Variants in FAM174B observed in about 807,000 individuals in gnomAD.
The protein encoded by FAM174B is membrane protein FAM174B.
Under a neutral mutation model 10.9 loss-of-function variants are expected in FAM174B, and 12 were observed. The ratio of observed to expected loss-of-function variants is 1.10; its 90% CI spans 0.71 to 1.79. FAM174B has a LOEUF of 1.79. Ranked by LOEUF, FAM174B falls within the 40% of genes most tolerant of loss-of-function variation. The pLI, the probability that FAM174B is intolerant of heterozygous loss-of-function variation, is 0.00. For synonymous variants in FAM174B, 132 were observed against 115.8 expected (o/e 1.14, Z -0.90); for missense variants, 266 against 233.3 (o/e 1.14, Z -0.91).
intron 1 of FAM174B, among the ~76,000 whole-genome samples, chr15:92,653,716 G>A (rs1174484569): frequency 1.3e-5 from 2 of 152,270 alleles, no homozygotes; most frequent in Non-Finnish European, 2.9e-5. Context: ...ACAGAGGAAG[G>A]AGGATGGGAG....
At chr15:92,643,310 T>C (rs995991681) in intron 1 of FAM174B, among the ~76,000 whole-genome samples, 10 of 150,038 alleles carry the variant, frequency 6.7e-5, no homozygotes, top group Non-Finnish European at 1.3e-4. Flanking sequence ...ATAAGTTATA[T>C]CTCACCAAAG....
intron 1 of FAM174B, among the ~76,000 whole-genome samples, chr15:92,653,853 G>C (rs961008603): frequency 1.3e-5 from 2 of 152,258 alleles, no homozygotes; most frequent in Non-Finnish European, 2.9e-5. Flanking sequence ...TGATGTCTGC[G>C]TTGCAGACGG....
intron 1 of FAM174B, among the ~76,000 whole-genome samples, chr15:92,640,551 C>CAAAAAAA (rs60865026): frequency 1.0e-4 from 7 of 67,722 alleles, no homozygotes; most frequent in African/African-American, 4.0e-4. Flanking sequence ...GACTCCATCT[C>CAAAAAAA]AAAAAAAAAA....
chr15:92,633,168 C>T (rs1253235518), intron 1 of FAM174B, among the ~76,000 whole-genome samples: 2 of 152,214 alleles, frequency 1.3e-5, no homozygotes, highest in Admixed American at 6.5e-5. Context: ...ACACATTCTT[C>T]TTGCTGACCA....
At chr15:92,623,642 T>C (rs1378131263) in intron 2 of FAM174B, among the ~76,000 whole-genome samples, 1 of 152,176 alleles carries the variant, frequency 6.6e-6, no homozygotes, top group African/African-American at 2.4e-5. Flanking sequence ...CACCTGTCAG[T>C]AGCGTCTGGC....
At chr15:92,650,767 T>C (rs897390203) in intron 1 of FAM174B, among the ~76,000 whole-genome samples, 24 of 152,148 alleles carry the variant, frequency 1.6e-4, no homozygotes, top group Admixed American at 3.3e-4. Context: ...TTAGGAGCAA[T>C]CACAGCTTTC....
rs1272729721 is a variant in FAM174B at position 92,618,419 on chromosome 15, C to T, written c.*1037G>A. The stretch of plus-strand genomic sequence containing the variant: ...CAGAGGTGAGCCACTCTCACCTGAA[C>T]CTCTGCCTTCCGGCAGGGACCTCCT... On this transcript the variant is annotated 3_prime_UTR_variant, in exon 3 of 3. Coordinates refer to ENST00000327355, the MANE Select transcript of FAM174B (RefSeq NM_207446.3). 1.3e-5 allele frequency: 2 copies of T among 152,452 alleles called. No individual in the cohort carries two copies. The highest frequency in any genetic ancestry group is 1.3e-4 in the Admixed American group (2 of 15,290). The allele number at this position is 152,452 out of a possible 1,614,324, so 9.4% of individuals were successfully genotyped here.
At chr15:92,650,499 C>T (rs1262808861) in intron 1 of FAM174B, among the ~76,000 whole-genome samples, 3 of 152,160 alleles carry the variant, frequency 2.0e-5, no homozygotes, top group African/African-American at 4.8e-5. Flanking sequence ...CCGTGGAGTT[C>T]GGAGACTCTC....
chr15:92,638,506 A>G (rs2050870207), intron 1 of FAM174B, among the ~76,000 whole-genome samples: 2 of 152,188 alleles, frequency 1.3e-5, no homozygotes, highest in African/African-American at 4.8e-5. Context: ...CACGAAGAGA[A>G]TAAAACAGGA....
intron 2 of FAM174B, among the ~76,000 whole-genome samples, chr15:92,621,602 T>G (rs568034428): frequency 6.1e-4 from 74 of 120,936 alleles, no homozygotes; most frequent in African/African-American, 2.2e-3. Flanking sequence ...CAGAGCAAGA[T>G]CGTCTCAAAA....
rs2050850920 is a variant in FAM174B at position 92,635,611 on chromosome 15, C to T, written c.345-5266G>A. Among the ~76,000 whole-genome samples the T allele has an allele frequency of 4.1e-5, 6 of 146,342 alleles. No individual in the cohort carries two copies. The Admixed American group carries it at 4.1e-4, about 10-fold the overall frequency. On this transcript the variant is annotated intron_variant, in intron 1 of 2. Transcript: ENST00000327355. ...TTTTTTTTTTTTTGAGACAGAGTCT[C>T]GCTCTGTAGCCCAGGCTGGAGTGCA...
intron 1 of FAM174B, among the ~76,000 whole-genome samples, chr15:92,642,145 G>C (rs943282960): frequency 6.6e-6 from 1 of 152,152 alleles, no homozygotes; most frequent in Admixed American, 6.5e-5. Flanking sequence ...ATGGCTATAA[G>C]CAAAAAGACA....
At chr15:92,622,035 C>G (rs756734274) in intron 2 of FAM174B, among the ~76,000 whole-genome samples, 1 of 152,198 alleles carries the variant, frequency 6.6e-6, no homozygotes, top group South Asian at 2.1e-4. Flanking sequence ...TGCGCCAGAG[C>G]AGATCTGGCC....
chr15:92,650,327 C>T (rs2050957592), intron 1 of FAM174B, among the ~76,000 whole-genome samples: 1 of 152,214 alleles, frequency 6.6e-6, no homozygotes, highest in South Asian at 2.1e-4. Context: ...ACCTTTCCCA[C>T]TGACAGCTGG....
rs1245225993 is a variant in FAM174B, at chr15:92,655,577, C to T, written c.83G>A (p.Arg28Lys). Residue 28 changes from arginine (R) to lysine (K), a missense_variant, in exon 1 of 3, where the codon AGA (arginine) becomes AAA (lysine). Physicochemically the swap from Arg to Lys is conservative, Grantham distance 26. Transcript: ENST00000327355. ...CCACGGCGCGGAGACGGACTCGGCTCTGCTGGCGCGGGCGGCGGGAGCGGC... is the reference window on the plus strand; with the variant it reads ...CCACGGCGCGGAGACGGACTCGGCTTTGCTGGCGCGGGCGGCGGGAGCGGC... ...LLAAPAARASRAESVSAPWPE... is the reference protein window; with the variant it reads ...LLAAPAARASKAESVSAPWPE... 4 of 1,322,970 alleles carry T rather than the reference C, an allele frequency of 3.0e-6. No homozygotes were observed. Among genetic ancestry groups the T allele is most frequent in the Admixed American group, 4.0e-5 (1 of 24,776 alleles). 82.0% of individuals were successfully genotyped at this position (1,322,970 alleles called of 1,614,324 possible).
chr15:92,642,141 A>G (rs1456620378), intron 1 of FAM174B, among the ~76,000 whole-genome samples: 2 of 152,262 alleles, frequency 1.3e-5, no homozygotes, highest in African/African-American at 4.8e-5. Flanking sequence ...TAGGATGGCT[A>G]TAAGCAAAAA....
rs1366707064 is a variant in FAM174B at position 92,631,290 on chromosome 15, T to C, written c.345-945A>G. On this transcript the variant is annotated intron_variant, in intron 1 of 2. Coordinates refer to ENST00000327355, the MANE Select transcript of FAM174B (RefSeq NM_207446.3). Reference sequence around the variant, plus strand: ...ATATTATATTATATATAATATATTATATATTATATATAATATATTATATAT... The same window carrying C: ...ATATTATATTATATATAATATATTACATATTATATATAATATATTATATAT... Among the ~76,000 whole-genome samples the C allele has an allele frequency of 1.4e-3, 4 of 2,936 alleles. 1 individual carries two copies. The highest frequency in any genetic ancestry group is 1.8e-3 in the Non-Finnish European group (3 of 1,648). The allele number at this position is 2,936 out of a possible 152,430, so 1.9% of individuals were successfully genotyped here.
chr15:92,619,569 A>G (rs1429522787), intron 2 of FAM174B, 110 bp from the exon 3 acceptor site: 54 of 1,278,064 alleles, frequency 4.2e-5, no homozygotes, highest in Non-Finnish European at 5.8e-5. Context: ...TGAAAAGGCC[A>G]CAGTCCCCAG....
intron 1 of FAM174B, among the ~76,000 whole-genome samples, chr15:92,647,436 A>G (rs1262190979): frequency 6.6e-6 from 1 of 152,216 alleles, no homozygotes; most frequent in Non-Finnish European, 1.5e-5. Flanking sequence ...ATAAGCCAAA[A>G]ATAAAATTCT....
Sources: gnomAD v4.1 joint callset for allele counts (sites outside exome capture counted in the v4.1 genomes callset) on GRCh38, gnomAD v4.1.1 for gene constraint, MANE v1.5 for transcripts, NCBI Gene and HGNC (gene_info 2026-07-23, HGNC 2026-07-21) for gene names.